The following CSGALNACT1 variants were observed in gnomAD, a reference collection of about 807,000 sequenced individuals.
CSGALNACT1 encodes the protein beta4GalNAcT-1.
CSGALNACT1 carries 52 observed loss-of-function variants against 51.0 expected under a neutral mutation model. The ratio of observed to expected loss-of-function variants is 1.02; its 90% confidence interval spans 0.82 to 1.29. The LOEUF is 1.29. Ranked by LOEUF, CSGALNACT1 falls within the 50% of genes most tolerant of loss-of-function variation. The pLI, the probability that CSGALNACT1 is intolerant of heterozygous loss-of-function variation, is 0.00. For synonymous variants in CSGALNACT1, 341 were observed against 254.4 expected (o/e 1.34, Z -3.24); for missense variants, 935 against 679.2 (o/e 1.38, Z -4.19).
At chr8:19,724,662 T>A (rs146695338) in intron 1 of CSGALNACT1, among the ~76,000 whole-genome samples, 56 of 152,340 alleles carry the variant, frequency 3.7e-4, no homozygotes, top group African/African-American at 1.2e-3. Flanking sequence ...CTGCCTGCTG[T>A]TGCACCCTCA....
chr8:19,655,693 C>T (rs2058211300), intron 1 of CSGALNACT1, among the ~76,000 whole-genome samples: 1 of 152,094 alleles, frequency 6.6e-6, no homozygotes, highest in Non-Finnish European at 1.5e-5. Context: ...TCTGGGATTA[C>T]AGGCATGAGC....
At chr8:19,593,872 C>A (rs2048343877) in intron 2 of CSGALNACT1, among the ~76,000 whole-genome samples, 1 of 152,196 alleles carries the variant, frequency 6.6e-6, no homozygotes, top group Non-Finnish European at 1.5e-5. Context: ...CCATCTGTCT[C>A]AAGACCCTTC....
intron 5 of CSGALNACT1, among the ~76,000 whole-genome samples, chr8:19,441,220 C>T (rs1479542133): frequency 4.6e-5 from 7 of 152,098 alleles, no homozygotes; most frequent in African/African-American, 1.2e-4. Context: ...AAAAACTACT[C>T]TAAAGTTCAT....
At chr8:19,435,636 C>T (rs1183632471) in intron 6 of CSGALNACT1, among the ~76,000 whole-genome samples, 5 of 152,154 alleles carry the variant, frequency 3.3e-5, no homozygotes, top group Non-Finnish European at 7.3e-5. Flanking sequence ...CTCAGGCCCA[C>T]TGATTCAGGA....
At chr8:19,447,503 T>C (rs2062345407) in intron 5 of CSGALNACT1, among the ~76,000 whole-genome samples, 2 of 152,260 alleles carry the variant, frequency 1.3e-5, no homozygotes, top group African/African-American at 2.4e-5. Context: ...CCTAAAGAAG[T>C]CTTTTTCAAC....
intron 8 of CSGALNACT1, among the ~76,000 whole-genome samples, chr8:19,416,975 C>A (rs2057011026): frequency 6.6e-6 from 1 of 152,038 alleles, no homozygotes; most frequent in African/African-American, 2.4e-5. Context: ...CGATTTTCAA[C>A]CTGCCTAGTA....
Position 19,698,592 on chromosome 8 carries a change from T to C in CSGALNACT1, c.-297+59258A>G, listed in dbSNP as rs569626490. Among the ~76,000 whole-genome samples the C allele has an allele frequency of 3.3e-5, 5 of 152,310 alleles. No homozygotes were observed. In the South Asian group the frequency reaches 1.0e-3, roughly 32 times the overall value. On this transcript the variant is annotated intron_variant, in intron 1 of 1. Coordinates refer to the CSGALNACT1 transcript ENST00000517494. ...CTCAAAGAAGTTAATCTGGAGGCAC[T>C]ACTGATACTGCTTTAAAACTTACCT...
At chr8:19,406,151 A>G (rs1480753622) in intron 9 of CSGALNACT1, 82 bp from the exon 9 acceptor site, 2 of 1,509,698 alleles carry the variant, frequency 1.3e-6, no homozygotes, top group Middle Eastern at 2.2e-4. Context: ...CAAACTTTTC[A>G]TTAAGACATG....
chr8:19,710,540 A>G (rs989557786), intron 1 of CSGALNACT1, among the ~76,000 whole-genome samples: 1 of 152,232 alleles, frequency 6.6e-6, no homozygotes, highest in African/African-American at 2.4e-5. Context: ...CTTTCATTTA[A>G]AAACAAATCT....
chr8:19,523,738 AC>A (rs2081162768), intron 3 of CSGALNACT1, among the ~76,000 whole-genome samples: 1 of 152,198 alleles, frequency 6.6e-6, no homozygotes, highest in South Asian at 2.1e-4. Flanking sequence ...ATCACAGGAG[AC>A]AAACCGAAGG....
intron 4 of CSGALNACT1, among the ~76,000 whole-genome samples, chr8:19,483,951 T>A (rs573571030): frequency 2.6e-5 from 4 of 152,156 alleles, no homozygotes; most frequent in African/African-American, 9.6e-5. Flanking sequence ...TCAATTGAGG[T>A]CCAAAAATAT....
chr8:19,608,385 G>A (rs946787480), intron 1 of CSGALNACT1, among the ~76,000 whole-genome samples: 3 of 152,170 alleles, frequency 2.0e-5, no homozygotes, highest in East Asian at 1.9e-4. Flanking sequence ...GTTCAGTCCC[G>A]GTTCTGCCAT....
chr8:19,506,036 T>G (rs555640787), exon 4 of CSGALNACT1: 57 of 710,564 alleles, frequency 8.0e-5, no homozygotes, highest in Non-Finnish European at 1.2e-4. Flanking sequence ...AGGATGATCT[T>G]GCAGGCAGAA....
intron 4 of CSGALNACT1, among the ~76,000 whole-genome samples, chr8:19,484,710 C>A (rs1244221008): frequency 6.6e-6 from 1 of 152,160 alleles, no homozygotes; most frequent in Non-Finnish European, 1.5e-5. Context: ...AAACTCTAAT[C>A]CCTAGTACCT....
chr8:19,659,783 C>T (rs908149727), intron 1 of CSGALNACT1, among the ~76,000 whole-genome samples: 15 of 152,230 alleles, frequency 9.9e-5, no homozygotes, highest in Non-Finnish European at 1.9e-4. Flanking sequence ...GCTCAGAGCA[C>T]TGTCTGCCCA....
chr8:19,437,234 G>A (rs1219190185), intron 6 of CSGALNACT1, among the ~76,000 whole-genome samples: 8 of 152,118 alleles, frequency 5.3e-5, no homozygotes, highest in African/African-American at 1.7e-4. Context: ...GGGGAGTGAT[G>A]GGGGTTGAGG....
chr8:19,658,691 G>A (rs907220852), intron 1 of CSGALNACT1, among the ~76,000 whole-genome samples: 6 of 152,150 alleles, frequency 3.9e-5, no homozygotes, highest in Non-Finnish European at 5.9e-5. Flanking sequence ...CTGAGATCGC[G>A]ACACTGCACT....
intron 3 of CSGALNACT1, among the ~76,000 whole-genome samples, chr8:19,544,679 C>T (rs778462573): frequency 5.3e-5 from 8 of 152,136 alleles, no homozygotes; most frequent in Admixed American, 2.6e-4. Flanking sequence ...GGGCCCCATA[C>T]CTATGCTGAG....
chr8:19,458,471 A>G (rs1377097681), exon 5 of CSGALNACT1: 1 of 1,614,216 alleles, frequency 6.2e-7, no homozygotes, highest in Non-Finnish European at 8.5e-7. Context: ...CCTTTTTGCT[A>G]GAGGCACGAT....
Sources: gnomAD v4.1 joint callset for allele counts (sites outside exome capture counted in the v4.1 genomes callset) on GRCh38, gnomAD v4.1.1 for gene constraint, MANE v1.5 for transcripts, NCBI Gene and HGNC (gene_info 2026-07-23, HGNC 2026-07-21) for gene names.